Variants in NALF1 observed in about 807,000 individuals in gnomAD.
NALF1 encodes NALCN channel auxiliary factor 1.
NALF1 carries 3 observed loss-of-function variants against 48.4 expected under a neutral mutation model. The ratio of observed to expected loss-of-function variants is 0.06; its 90% CI spans 0.03 to 0.16. The LOEUF (loss-of-function observed/expected upper bound fraction) is 0.16, where lower values mean the gene tolerates loss of function less well. Among genes scored for constraint, NALF1 ranks in the 10% least tolerant of loss-of-function variants. NALF1 has a pLI of 1.00. For missense variants in NALF1, 526 were observed against 571.5 expected, an observed-to-expected ratio of 0.92 and a Z score of 0.81; for synonymous variants, 262 against 245.7, an observed-to-expected ratio of 1.07 and a Z score of -0.62.
At chr13:107,364,089 GTTTTTC>G (rs1883110950) in intron 1 of NALF1, among the ~76,000 whole-genome samples, 1 of 152,146 alleles carries the variant, frequency 6.6e-6, no homozygotes, top group South Asian at 2.1e-4. Flanking sequence ...TATTTGGAAT[GTTTTTC>G]TTTTTACTGA....
intron 1 of NALF1, among the ~76,000 whole-genome samples, chr13:107,707,650 T>A (rs906375700): frequency 1.3e-5 from 2 of 152,216 alleles, no homozygotes; most frequent in Admixed American, 6.5e-5. Flanking sequence ...GGATATCAAC[T>A]GTCCCTGAGG....
intron 1 of NALF1, among the ~76,000 whole-genome samples, chr13:107,431,699 A>G (rs1200167974): frequency 3.3e-5 from 5 of 152,154 alleles, no homozygotes; most frequent in Non-Finnish European, 7.4e-5. Context: ...TATCTCAAAT[A>G]TAAGTCATTC....
chr13:107,561,666 G>C (rs1382633609), intron 1 of NALF1, among the ~76,000 whole-genome samples: 1 of 152,072 alleles, frequency 6.6e-6, no homozygotes, highest in Non-Finnish European at 1.5e-5. Context: ...TTTTTAGTTT[G>C]CAAATTCCTA....
At chr13:107,817,518 C>T (rs1036639347) in intron 1 of NALF1, among the ~76,000 whole-genome samples, 6 of 152,094 alleles carry the variant, frequency 3.9e-5, no homozygotes, top group Non-Finnish European at 7.4e-5. Flanking sequence ...GATTTTAAGC[C>T]CTGTAAATAT....
chr13:107,579,751 C>A (rs1240702914), intron 1 of NALF1, among the ~76,000 whole-genome samples: 1 of 151,422 alleles, frequency 6.6e-6, no homozygotes, highest in Admixed American at 6.6e-5. Flanking sequence ...TATACATGTG[C>A]CATGCTGGTG....
At chr13:107,181,981 T>C (rs1240888066) in intron 2 of NALF1, among the ~76,000 whole-genome samples, 1 of 152,146 alleles carries the variant, frequency 6.6e-6, no homozygotes, top group Admixed American at 6.5e-5. Flanking sequence ...TCCATTATTT[T>C]AATTTTTTAA....
At chr13:107,757,444 G>A (rs994362191) in intron 1 of NALF1, among the ~76,000 whole-genome samples, 4 of 131,208 alleles carry the variant, frequency 3.0e-5, no homozygotes. Flanking sequence ...TCAGTCAACA[G>A]GTACTATCGA....
intron 1 of NALF1, among the ~76,000 whole-genome samples, chr13:107,385,422 G>A (rs1011615137): frequency 2.8e-4 from 42 of 152,004 alleles, no homozygotes; most frequent in African/African-American, 8.4e-4. Flanking sequence ...GTATAGTGGC[G>A]CGTGCCTGTA....
chr13:107,735,703 C>G (rs868471803), intron 1 of NALF1, among the ~76,000 whole-genome samples: 1 of 152,130 alleles, frequency 6.6e-6, no homozygotes, highest in Non-Finnish European at 1.5e-5. Context: ...AAATATTGTA[C>G]AAATAGCTGC....
intron 1 of NALF1, among the ~76,000 whole-genome samples, chr13:107,459,066 T>A (rs558095532): frequency 2.5e-4 from 38 of 151,616 alleles, no homozygotes; most frequent in Non-Finnish European, 3.8e-4. Flanking sequence ...AAGCTGCACA[T>A]CATTAAAATT....
intron 1 of NALF1, among the ~76,000 whole-genome samples, chr13:107,519,341 T>C (rs1482960556): frequency 6.8e-6 from 1 of 147,972 alleles, no homozygotes; most frequent in African/African-American, 2.5e-5. Flanking sequence ...TACGTTATAC[T>C]GTATCAGAGG....
chr13:107,400,080 T>TA (rs1335244833), intron 1 of NALF1, among the ~76,000 whole-genome samples: 2 of 152,298 alleles, frequency 1.3e-5, no homozygotes, highest in South Asian at 2.1e-4. Context: ...GTTCACTTTA[T>TA]ACCTCAACTT....
At chr13:107,227,455 A>G (rs2138821416) in intron 1 of NALF1, among the ~76,000 whole-genome samples, 1 of 152,360 alleles carries the variant, frequency 6.6e-6, no homozygotes, top group Non-Finnish European at 1.5e-5. Flanking sequence ...GGGCTTTTAA[A>G]GCATCCAAAC....
intron 1 of NALF1, among the ~76,000 whole-genome samples, chr13:107,216,098 TC>T (rs1407241539): frequency 1.3e-5 from 2 of 152,238 alleles, no homozygotes; most frequent in Non-Finnish European, 2.9e-5. Flanking sequence ...GGACTAACTT[TC>T]CTTTCACATT....
At chr13:107,315,115 C>T (rs1684617332) in intron 1 of NALF1, among the ~76,000 whole-genome samples, 1 of 151,982 alleles carries the variant, frequency 6.6e-6, no homozygotes, top group Non-Finnish European at 1.5e-5. Flanking sequence ...ATGACCTTTT[C>T]CCTCATATTG....
intron 1 of NALF1, among the ~76,000 whole-genome samples, chr13:107,694,378 G>T (rs925056074): frequency 3.9e-5 from 6 of 152,046 alleles, no homozygotes; most frequent in African/African-American, 1.4e-4. Context: ...AAGGCAGGCT[G>T]CATTTGCTTC....
At chr13:107,287,392 C>T (rs1881516282) in intron 1 of NALF1, among the ~76,000 whole-genome samples, 2 of 152,172 alleles carry the variant, frequency 1.3e-5, no homozygotes, top group African/African-American at 4.8e-5. Flanking sequence ...CAGCGACACA[C>T]ACAAATGCAC....
At chr13:107,748,225 G>A (rs1294958193) in intron 1 of NALF1, among the ~76,000 whole-genome samples, 1 of 152,142 alleles carries the variant, frequency 6.6e-6, no homozygotes, top group Non-Finnish European at 1.5e-5. Flanking sequence ...TCAATCTGCT[G>A]TCTCAGTAGG....
intron 1 of NALF1, among the ~76,000 whole-genome samples, chr13:107,477,234 C>T (rs896604208): frequency 1.3e-5 from 2 of 152,084 alleles, no homozygotes; most frequent in African/African-American, 2.4e-5. Context: ...AATATTTGCT[C>T]AGGAAGATAA....
Sources: allele counts gnomAD v4.1 joint callset (sites outside exome capture counted in the v4.1 genomes callset), GRCh38; gene constraint gnomAD v4.1.1; transcripts MANE v1.5; gene names NCBI Gene and HGNC (gene_info 2026-07-23, HGNC 2026-07-21).